HMGCLL1: variants seen among roughly 807,000 people sequenced by gnomAD.
The protein encoded by HMGCLL1 is 3-hydroxy-3-methylglutaryl-CoA lyase like 1, also known as 3-hydroxymethyl-3-methylglutaryl-CoA lyase, cytoplasmic.
HMGCLL1 carries 36 observed loss-of-function variants against 39.1 expected under a neutral mutation model. The observed-to-expected ratio is 0.92, with a 90% confidence interval of 0.71 to 1.22. The LOEUF (loss-of-function observed/expected upper bound fraction) is 1.22. Among genes scored for constraint, HMGCLL1 ranks in the 50% most tolerant of loss-of-function variants. The pLI is 0.00. For missense variants in HMGCLL1, 451 were observed against 416.5 expected, an observed-to-expected ratio of 1.08 and a Z score of -0.72; for synonymous variants, 149 against 144.0, an observed-to-expected ratio of 1.03 and a Z score of -0.25.
chr6:55,562,021 A>G (rs921736795), intron 1 of HMGCLL1, among the ~76,000 whole-genome samples: 1 of 152,096 alleles, frequency 6.6e-6, no homozygotes, highest in Non-Finnish European at 1.5e-5. Context: ...ATAATAAACC[A>G]CAGTGGTTGA....
chr6:55,516,595 A>G lies in HMGCLL1; in HGVS notation c.306T>C (p.Asp102=). Residue 102 remains aspartate (D), a synonymous_variant, in exon 4 of 9, where the codon GAT becomes GAC. Coordinates refer to ENST00000274901, the MANE Select transcript of HMGCLL1 (RefSeq NM_001042406.2). ...GAATGCCTTTCATTACTTCAGTGTGATCAGCCATCTTAAATACATAATAGT... is the reference window on the plus strand; with the variant it reads ...GAATGCCTTTCATTACTTCAGTGTGGTCAGCCATCTTAAATACATAATAGT... ...VSSRWVPQMA[D]HTEVMKGIHQ... 1 of 1,589,976 alleles carries G rather than the reference A, an allele frequency of 6.3e-7. No individual in the cohort carries two copies. The highest frequency in any genetic ancestry group is 8.6e-7 in the Non-Finnish European group (1 of 1,162,488).
rs541293528 is a variant in HMGCLL1, at chr6:55,435,054, T to C, written c.*608A>G. Reference sequence around the variant, plus strand: ...CGTAATATGTTTCCAGGATATGGCATCTTGCCATTGGCCACAGCCTCTTGG... The same window carrying C: ...CGTAATATGTTTCCAGGATATGGCACCTTGCCATTGGCCACAGCCTCTTGG... On this transcript the variant is annotated 3_prime_UTR_variant, in exon 9 of 9. Coordinates refer to ENST00000274901, the MANE Select transcript of HMGCLL1 (RefSeq NM_001042406.2). The C allele has an allele frequency of 6.5e-6, 1 of 152,702 alleles. No individual in the cohort carries two copies. The highest frequency in any genetic ancestry group is 1.9e-4 in the East Asian group (1 of 5,182). 9.5% of individuals were successfully genotyped at this position (152,702 alleles called of 1,614,324 possible).
At chr6:55,446,005 A>G (rs1349961305) in intron 7 of HMGCLL1, among the ~76,000 whole-genome samples, 1 of 151,982 alleles carries the variant, frequency 6.6e-6, no homozygotes, top group Non-Finnish European at 1.5e-5. Flanking sequence ...GTGGTTCAAT[A>G]TATTCAGCAT....
At chr6:55,656,473 A>C in the HMGCLL1 span, among the ~76,000 whole-genome samples, 1 of 151,932 alleles carries the variant, frequency 6.6e-6, no homozygotes, top group African/African-American at 2.4e-5. Flanking sequence ...TGAAAATTAT[A>C]AGCACCATTA....
chr6:55,608,242 C>T, the HMGCLL1 span, among the ~76,000 whole-genome samples: 1 of 152,134 alleles, frequency 6.6e-6, no homozygotes, highest in Non-Finnish European at 1.5e-5. Flanking sequence ...AATATGTACT[C>T]CATGGGGACA....
intron 5 of HMGCLL1, among the ~76,000 whole-genome samples, chr6:55,503,159 CT>C (rs149558429): frequency 0.028 from 4,280 of 151,852 alleles, 207 homozygotes; most frequent in African/African-American, 0.098. Context: ...TGCCCTTACC[CT>C]GTGGAATTTA....
chr6:55,437,745 G>C (rs1025868190), intron 8 of HMGCLL1, among the ~76,000 whole-genome samples: 5 of 152,008 alleles, frequency 3.3e-5, no homozygotes, highest in Admixed American at 3.3e-4. Flanking sequence ...ACCCTTTGAT[G>C]GTAGCATGGA....
the HMGCLL1 span, among the ~76,000 whole-genome samples, chr6:55,617,747 G>A: frequency 3.3e-5 from 5 of 152,024 alleles, no homozygotes; most frequent in Non-Finnish European, 5.9e-5. Context: ...TATACCCTCT[G>A]TGCATCCTTG....
intron 1 of HMGCLL1, among the ~76,000 whole-genome samples, chr6:55,549,919 C>A (rs1770228570): frequency 6.6e-6 from 1 of 151,948 alleles, no homozygotes. Flanking sequence ...CAAATCCATT[C>A]AAACTTCAAA....
chr6:55,519,417 C>T (rs1021950938), intron 3 of HMGCLL1, among the ~76,000 whole-genome samples: 7 of 152,054 alleles, frequency 4.6e-5, no homozygotes, highest in Non-Finnish European at 1.5e-5. Context: ...ATTTTATAGC[C>T]TTCCTTTGTA....
chr6:55,598,402 C>A, the HMGCLL1 span, among the ~76,000 whole-genome samples: 1 of 152,182 alleles, frequency 6.6e-6, no homozygotes, highest in Non-Finnish European at 1.5e-5. Flanking sequence ...CAATACTCCA[C>A]AAATGAGCTC....
the HMGCLL1 span, among the ~76,000 whole-genome samples, chr6:55,614,023 A>AT: frequency 6.6e-6 from 1 of 152,196 alleles, no homozygotes. Flanking sequence ...CAAGTATTGA[A>AT]AAATATTGAT....
chr6:55,641,886 A>C, the HMGCLL1 span, among the ~76,000 whole-genome samples: 1 of 110,616 alleles, frequency 9.0e-6, no homozygotes, highest in Non-Finnish European at 1.8e-5. Flanking sequence ...ATTTTTATTT[A>C]TTTATTTATT....
At chr6:55,598,367 CT>C in the HMGCLL1 span, among the ~76,000 whole-genome samples, 1 of 152,270 alleles carries the variant, frequency 6.6e-6, no homozygotes, top group African/African-American at 2.4e-5. Flanking sequence ...GTTTAAATCA[CT>C]TAAATGCCAA....
chr6:55,479,666 A>G (rs1191572831), intron 7 of HMGCLL1, among the ~76,000 whole-genome samples: 1 of 151,686 alleles, frequency 6.6e-6, no homozygotes, highest in Non-Finnish European at 1.5e-5. Context: ...GAGACATTTA[A>G]TGATTTCCTT....
At chr6:55,447,099 G>T (rs1763884748) in intron 7 of HMGCLL1, among the ~76,000 whole-genome samples, 1 of 151,562 alleles carries the variant, frequency 6.6e-6, no homozygotes, top group Non-Finnish European at 1.5e-5. Context: ...TCTACCAAAG[G>T]ACTGAAATTA....
the HMGCLL1 span, among the ~76,000 whole-genome samples, chr6:55,609,945 C>T: frequency 4.6e-5 from 7 of 152,220 alleles, no homozygotes; most frequent in African/African-American, 1.2e-4. Flanking sequence ...GAAGAGAGAC[C>T]TGACTATTGA....
chr6:55,499,785 G>A (rs1324348072), intron 5 of HMGCLL1, among the ~76,000 whole-genome samples: 1 of 151,870 alleles, frequency 6.6e-6, no homozygotes, highest in Non-Finnish European at 1.5e-5. Flanking sequence ...CTTGGAACTG[G>A]GCATAGCCTC....
chr6:55,564,708 A>G (rs897357434), intron 1 of HMGCLL1, among the ~76,000 whole-genome samples: 5 of 152,108 alleles, frequency 3.3e-5, no homozygotes, highest in African/African-American at 1.2e-4. Flanking sequence ...AGTCAATGGT[A>G]CATGCTTTGA....
Sources: allele counts gnomAD v4.1 joint callset (sites outside exome capture counted in the v4.1 genomes callset), GRCh38; gene constraint gnomAD v4.1.1; transcripts MANE v1.5; gene names NCBI Gene and HGNC (gene_info 2026-07-23, HGNC 2026-07-21).